The following VAV3 variants were observed in gnomAD, a reference collection of about 807,000 sequenced individuals.
VAV3 encodes the protein vav guanine nucleotide exchange factor 3.
VAV3 carries 94 observed loss-of-function variants against 131.2 expected under a neutral mutation model. The observed-to-expected ratio is 0.72, with a 90% CI of 0.61 to 0.85. VAV3 has a LOEUF of 0.85. VAV3 is among the 40% of genes least tolerant of loss of function. The pLI is 0.00. For missense variants in VAV3, 939 were observed against 1,002.7 expected (o/e 0.94, Z 0.86); for synonymous variants, 349 against 342.0 (o/e 1.02, Z -0.22).
intron 15 of VAV3, among the ~76,000 whole-genome samples, chr1:107,740,948 C>T (rs752645176): frequency 2.4e-4 from 36 of 152,230 alleles, no homozygotes; most frequent in East Asian, 1.5e-3. Flanking sequence ...TTCTAAGAGA[C>T]GAAATTTGTT....
At chr1:107,617,204 G>A (rs1653221321) in intron 21 of VAV3, among the ~76,000 whole-genome samples, 1 of 152,136 alleles carries the variant, frequency 6.6e-6, no homozygotes, top group African/African-American at 2.4e-5. Context: ...CAGCTGAAGT[G>A]TAATATCGCC....
intron 24 of VAV3, among the ~76,000 whole-genome samples, chr1:107,597,545 T>C (rs1397462435): frequency 6.6e-6 from 1 of 152,140 alleles, no homozygotes; most frequent in East Asian, 1.9e-4. Context: ...GTGTATCCAA[T>C]GGGAAGGGTG....
intron 22 of VAV3, among the ~76,000 whole-genome samples, 168 bp from the exon 23 acceptor site, chr1:107,603,331 C>T (rs948846041): frequency 2.6e-5 from 4 of 152,248 alleles, no homozygotes; most frequent in Admixed American, 1.3e-4. Context: ...TCCTTTAATA[C>T]GTCCAAACAC....
At chr1:107,839,323 T>C (rs1668596599) in intron 2 of VAV3, among the ~76,000 whole-genome samples, 1 of 152,104 alleles carries the variant, frequency 6.6e-6, no homozygotes, top group South Asian at 2.1e-4. Context: ...ATAGAAATCA[T>C]ATAAAGTATG....
intron 2 of VAV3, among the ~76,000 whole-genome samples, chr1:107,844,834 C>G (rs1199124175): frequency 6.6e-6 from 1 of 152,196 alleles, no homozygotes; most frequent in African/African-American, 2.4e-5. Flanking sequence ...ACTCCCATCT[C>G]CCTGGGACAG....
At chr1:107,830,548 G>T (rs1668204098) in intron 2 of VAV3, among the ~76,000 whole-genome samples, 1 of 152,104 alleles carries the variant, frequency 6.6e-6, no homozygotes, top group South Asian at 2.1e-4. Flanking sequence ...CCAGCAGCAT[G>T]ACCTCATTCT....
intron 2 of VAV3, among the ~76,000 whole-genome samples, chr1:107,842,499 C>T (rs6683395): frequency 0.079 from 11,947 of 152,156 alleles, 779 homozygotes; most frequent in African/African-American, 0.18. Flanking sequence ...TCGGTACTTC[C>T]ACCCATCTGG....
At chr1:107,652,496 GA>G (rs1407914532) in intron 19 of VAV3, among the ~76,000 whole-genome samples, 2 of 152,078 alleles carry the variant, frequency 1.3e-5, no homozygotes, top group Non-Finnish European at 2.9e-5. Context: ...CAAGATCCAA[GA>G]ACTCTCTCTT....
At chr1:107,602,813 A>C (rs976022325) in intron 23 of VAV3, among the ~76,000 whole-genome samples, 2 of 152,162 alleles carry the variant, frequency 1.3e-5, no homozygotes, top group Admixed American at 6.5e-5. Context: ...CACACATCAA[A>C]CCACCAAAAC....
rs370301756 is a variant in VAV3, at chr1:107,576,705, C to T, written c.2351-2507G>A. ...CCACATTGCCATCTTTGAACCCCATCCATCCAAGGATGGCCAACAATGGCC... is the reference window on the plus strand; with the variant it reads ...CCACATTGCCATCTTTGAACCCCATTCATCCAAGGATGGCCAACAATGGCC... On this transcript the variant is annotated intron_variant, in intron 25 of 26. Coordinates refer to ENST00000370056, the MANE Select transcript of VAV3 (RefSeq NM_006113.5). Among the ~76,000 whole-genome samples the T allele has an allele frequency of 2.8e-4, 43 of 152,326 alleles. 1 individual carries two copies. The South Asian group carries it at 8.9e-3, about 32-fold the overall frequency.
intron 6 of VAV3, among the ~76,000 whole-genome samples, chr1:107,769,006 GTC>G (rs1388322344): frequency 6.6e-6 from 1 of 152,080 alleles, no homozygotes; most frequent in Non-Finnish European, 1.5e-5. Flanking sequence ...TCTAGTACTG[GTC>G]TCTCAGTTCC....
intron 15 of VAV3, among the ~76,000 whole-genome samples, chr1:107,726,490 T>C (rs368702114): frequency 6.1e-4 from 93 of 152,296 alleles, no homozygotes; most frequent in African/African-American, 2.1e-3. Flanking sequence ...ATTGATTAAA[T>C]TAATCAATCA....
chr1:107,869,131 C>T (rs1670136083), intron 2 of VAV3, among the ~76,000 whole-genome samples: 1 of 152,102 alleles, frequency 6.6e-6, no homozygotes, highest in Admixed American at 6.6e-5. Flanking sequence ...GAGTGACTAA[C>T]CCCATTCCTG....
chr1:107,891,424 C>A (rs1322915152), intron 1 of VAV3, among the ~76,000 whole-genome samples: 1 of 152,098 alleles, frequency 6.6e-6, no homozygotes, highest in Non-Finnish European at 1.5e-5. Flanking sequence ...AAATGAAATA[C>A]ACACACACGC....
intron 19 of VAV3, among the ~76,000 whole-genome samples, chr1:107,663,909 G>T (rs527520806): frequency 1.3e-4 from 19 of 151,968 alleles, no homozygotes; most frequent in Non-Finnish European, 2.2e-4. Flanking sequence ...TGATGCTGTG[G>T]GTTTGAAATC....
At chr1:107,693,234 A>T (rs1007575513) in intron 17 of VAV3, among the ~76,000 whole-genome samples, 2 of 152,190 alleles carry the variant, frequency 1.3e-5, no homozygotes, top group African/African-American at 4.8e-5. Flanking sequence ...AGTCAACTCA[A>T]GTTCAGGGAA....
intron 26 of VAV3, 86 bp downstream of exon 26, chr1:107,573,961 G>C (rs1421419606): frequency 8.4e-6 from 13 of 1,551,220 alleles, no homozygotes; most frequent in South Asian, 2.5e-5. Context: ...CAGTATAGAG[G>C]CTTCTCCCTG....
chr1:107,708,130 T>C (rs1031317366), intron 15 of VAV3, among the ~76,000 whole-genome samples: 3 of 151,916 alleles, frequency 2.0e-5, no homozygotes, highest in Non-Finnish European at 2.9e-5. Flanking sequence ...AGACATGAGA[T>C]AGGTTGGCAG....
At chr1:107,768,408 C>CA in intron 7 of VAV3, 33 bp downstream of exon 7, 4 of 1,542,774 alleles carry the variant, frequency 2.6e-6, no homozygotes, top group Non-Finnish European at 3.6e-6. Context: ...TATTGAAGTA[C>CA]ACCACAATTT....
Sources: allele counts gnomAD v4.1 joint callset (sites outside exome capture counted in the v4.1 genomes callset), GRCh38; gene constraint gnomAD v4.1.1; transcripts MANE v1.5; gene names NCBI Gene and HGNC (gene_info 2026-07-23, HGNC 2026-07-21).